MICAL1: variants seen among roughly 807,000 people sequenced by gnomAD.
MICAL1 encodes the protein [F-actin]-monooxygenase MICAL1.
MICAL1 carries 95 observed loss-of-function variants against 131.8 expected under a neutral mutation model. The ratio of observed to expected loss-of-function variants is 0.72; its 90% CI spans 0.61 to 0.86. The LOEUF (loss-of-function observed/expected upper bound fraction) is 0.86, where lower values mean the gene tolerates loss of function less well. MICAL1 is among the 40% of genes least tolerant of loss of function. The pLI, the probability that MICAL1 is intolerant of heterozygous loss-of-function variation, is 0.00. For synonymous variants in MICAL1, 546 were observed against 554.2 expected (o/e 0.99, Z 0.21); for missense variants, 1,292 against 1,380.6 (o/e 0.94, Z 1.02).
chr6:109,448,598 C>T, intron 12 of MICAL1, 134 bp downstream of exon 12: 2 of 1,393,070 alleles, frequency 1.4e-6, no homozygotes, highest in South Asian at 2.6e-5. Context: ...CAAAGCTCTC[C>T]ACTATCTGAA....
chr6:109,456,404 A>G (rs1775748942), upstream of MICAL1, among the ~76,000 whole-genome samples: 1 of 152,120 alleles, frequency 6.6e-6, no homozygotes, highest in African/African-American at 2.4e-5. Context: ...CCTGTGACAG[A>G]GGTCGACCCC....
Position 109,448,411 on chromosome 6 carries a change from G to A in MICAL1, c.1665-18C>T. Reference sequence around the variant, plus strand: ...AGGGTTCCCTGTGGGATGTCAGGGAGAAAAGCCAACTAGAGACAAGAACCT... The same window carrying A: ...AGGGTTCCCTGTGGGATGTCAGGGAAAAAAGCCAACTAGAGACAAGAACCT... On this transcript the variant is annotated intron_variant, in intron 12 of 24. Coordinates refer to ENST00000358807, the MANE Select transcript of MICAL1 (RefSeq NM_022765.4). The A allele has an allele frequency of 1.9e-6, 3 of 1,611,594 alleles. No homozygotes were observed. The highest frequency in any genetic ancestry group is 2.5e-6 in the Non-Finnish European group (3 of 1,179,836).
chr6:109,449,672 T>G lies in MICAL1; in HGVS notation c.1419A>C (p.Ala473=). 1 of 1,581,290 alleles carries G rather than the reference T, an allele frequency of 6.3e-7. No individual in the cohort carries two copies. The highest frequency in any genetic ancestry group is 8.6e-7 in the Non-Finnish European group (1 of 1,163,900). The change falls in exon 10 of 25, where the codon GCA becomes GCC. Residue 473 remains alanine (A), a synonymous_variant. Coordinates refer to ENST00000358807, the MANE Select transcript of MICAL1 (RefSeq NM_022765.4). ...GGGGTCTGACCTGATTGGGGGTCAC[T>G]GCCCGGAGGTTCAGGTTGGGGTAGC... ...ATRYPNLNLR[A]VTPNQVRDLY...
Position 109,445,303 on chromosome 6 carries a change from A to G in MICAL1, c.2788-13T>C. 3 of 1,614,046 alleles carry G rather than the reference A, an allele frequency of 1.9e-6. No homozygotes were observed. The highest frequency in any genetic ancestry group is 2.5e-6 in the Non-Finnish European group (3 of 1,179,984). ...GCCGTTGGATGGTCTGAGGGGTACA[A>G]GACAGAATATCCAGGAGTCTCTAGG... On this transcript the variant is annotated splice_polypyrimidine_tract_variant and intron_variant, in intron 21 of 24. Coordinates refer to ENST00000358807, the MANE Select transcript of MICAL1 (RefSeq NM_022765.4).
At position 109,447,238 on chromosome 6, in the gene MICAL1, A is replaced by AC. The variant is rs1407614563; in HGVS notation, c.2071-10dup. The AC allele has an allele frequency of 4.3e-6, 7 of 1,613,644 alleles. No homozygotes were observed. Among genetic ancestry groups the AC allele is most frequent in the Non-Finnish European group, 5.9e-6 (7 of 1,179,842 alleles). On this transcript the variant is annotated splice_polypyrimidine_tract_variant and intron_variant, in intron 16 of 24. Transcript: ENST00000358807. ...AGGTCCCCAGCACCGGCCTGCGTGG[A>AC]CCCCCAGGACACAGGGTCAGGTGGA...
In MICAL1 at chr6:109,448,350, C is replaced by A; in HGVS notation, c.1708G>T (p.Ala570Ser). The A allele has an allele frequency of 6.2e-7, 1 of 1,613,958 alleles. No individual in the cohort carries two copies. Among genetic ancestry groups the A allele is most frequent in the African/African-American group, 1.3e-5 (1 of 75,034 alleles). ...LQGLGALEAT[A>S]WALKVAENEL... ...TTCTCTGCCACCTTTAGTGCCCAAG[C>A]AGTTGCTTCCAGAGCTCCCAGCCCC... The change falls in exon 13 of 25, where the codon GCT becomes TCT. Residue 570 changes from alanine to serine, a missense_variant. Transcript: ENST00000358807.
chr6:109,451,580 T>A lies in MICAL1; in HGVS notation c.933+20A>T. 31 of 1,613,182 alleles carry A rather than the reference T, an allele frequency of 1.9e-5. 1 individual carries two copies. Among genetic ancestry groups the A allele is most frequent in the Non-Finnish European group, 2.6e-5 (31 of 1,179,780 alleles). ...CCGGGGCTCACCACCCAGCCTCTCCTGGCCAGGACTGGGCCTCACCTGGCG... is the reference window on the plus strand; with the variant it reads ...CCGGGGCTCACCACCCAGCCTCTCCAGGCCAGGACTGGGCCTCACCTGGCG... On this transcript the variant is annotated intron_variant, in intron 7 of 24. Coordinates refer to ENST00000358807, the MANE Select transcript of MICAL1 (RefSeq NM_022765.4).
chr6:109,449,169 G>GT (rs1290499892), intron 11 of MICAL1: 11 of 678,844 alleles, frequency 1.6e-5, no homozygotes, highest in East Asian at 2.7e-5. Context: ...CACTATGGCT[G>GT]TAACGGTGGT....
chr6:109,445,337 G>A, intron 21 of MICAL1, 47 bp from the exon 22 acceptor site: 1 of 1,612,726 alleles, frequency 6.2e-7, no homozygotes, highest in African/African-American at 1.3e-5. Flanking sequence ...GGTTGCTCAA[G>A]AACAGAGCAC....
At position 109,446,371 on chromosome 6, in the gene MICAL1, G is replaced by A. The variant is rs752925051; in HGVS notation, c.2346C>T (p.Leu782=). ...CCTCCTGCGAGGCTGTGGGAGTTGAGAGGCCTGGTGGCATGCTATTCTCAC... is the reference window on the plus strand; with the variant it reads ...CCTCCTGCGAGGCTGTGGGAGTTGAAAGGCCTGGTGGCATGCTATTCTCAC... ...TPSENSMPPG[L]STPTASQEGA... Residue 782 remains leucine (L), a synonymous_variant, in exon 19 of 25, where the codon CTC becomes CTT. Coordinates refer to ENST00000358807, the MANE Select transcript of MICAL1 (RefSeq NM_022765.4). 2.0e-5 allele frequency: 33 copies of A among 1,612,904 alleles called. No homozygotes were observed. The highest frequency in any genetic ancestry group is 2.7e-5 in the Non-Finnish European group (32 of 1,179,882).
chr6:109,449,137 G>T (rs1775392945), intron 11 of MICAL1: 1 of 662,022 alleles, frequency 1.5e-6, no homozygotes, highest in South Asian at 1.8e-5. Context: ...ACTAAACTGG[G>T]GGCAGGGGAG....
rs1317761702 is a variant in MICAL1, at chr6:109,447,954, C to A, written c.1865G>T (p.Ser622Ile). ...ACTGGAGGTCCCTGGGGAGGCCTGG[C>A]TGACAGGGCCTGCGGGGAGAGCCAG... is the stretch of plus-strand genomic sequence containing the variant. The part of the protein sequence containing the change: ...KSMAHSPGPV[S>I]QASPGTSSAV... The change falls in exon 14 of 25, where the codon AGC (serine) becomes ATC (isoleucine). Residue 622 changes from serine to isoleucine, a missense_variant. Transcript: ENST00000358807. 1 of 1,608,282 alleles carries A rather than the reference C, an allele frequency of 6.2e-7. No homozygotes were observed. Among genetic ancestry groups the A allele is most frequent in the East Asian group, 2.2e-5 (1 of 44,872 alleles).
intron 13 of MICAL1, 46 bp downstream of exon 13, chr6:109,448,156 CA>C: frequency 6.3e-7 from 1 of 1,584,910 alleles, no homozygotes; most frequent in South Asian, 1.1e-5. Flanking sequence ...CACACACACA[CA>C]CACCTCCCCA....
chr6:109,444,574 G>A, intron 24 of MICAL1, 151 bp downstream of exon 24: 1 of 1,041,962 alleles, frequency 9.6e-7, no homozygotes, highest in South Asian at 1.4e-5. Flanking sequence ...GAAGTGAGAA[G>A]GGGCTTTGGA....
At chr6:109,446,441 CG>C (rs751665208) in intron 18 of MICAL1, 29 bp from the exon 19 acceptor site, 6 of 754,886 alleles carry the variant, frequency 7.9e-6, no homozygotes, top group Admixed American at 3.1e-5. Flanking sequence ...GGAGTGAGGT[CG>C]GGGGGTGAGG....
rs1775095013 is a variant in MICAL1 at position 109,444,100 on chromosome 6, C to G, written c.*91G>C. 2.6e-6 allele frequency: 4 copies of G among 1,528,450 alleles called. No individual in the cohort carries two copies. The South Asian group carries it at 3.7e-5, about 14-fold the overall frequency. 94.7% of individuals were successfully genotyped at this position (1,528,450 alleles called of 1,614,324 possible). On this transcript the variant is annotated 3_prime_UTR_variant, in exon 25 of 25. Coordinates refer to ENST00000358807, the MANE Select transcript of MICAL1 (RefSeq NM_022765.4). Reference sequence around the variant, plus strand: ...CATTTTAATTGTAAACAGCAAGGCTCTCTGCCAGGCAGCCCAGATGAACAG... The same window carrying G: ...CATTTTAATTGTAAACAGCAAGGCTGTCTGCCAGGCAGCCCAGATGAACAG...
chr6:109,444,594 T>G, intron 24 of MICAL1, 131 bp downstream of exon 24: 1 of 1,196,496 alleles, frequency 8.4e-7, no homozygotes, highest in Non-Finnish European at 1.2e-6. Context: ...AGCCCCCTCC[T>G]CTGGCTTCCT....
chr6:109,463,591 C>T (rs986382628), intron 1 of MICAL1: 2 of 152,038 alleles, frequency 1.3e-5, no homozygotes, highest in African/African-American at 4.8e-5. Flanking sequence ...AAACTTTTGT[C>T]TTAGCTACTT....
In MICAL1 at chr6:109,454,230, A is replaced by G. The variant is rs1355529462; in HGVS notation, c.-34T>C. ...CCTGGGGAGGGCAGCAGCTGGGCAG[A>G]GATGAGTGGCTGGAGAGGTGGAAAA... On this transcript the variant is annotated 5_prime_UTR_variant, in exon 2 of 25. Transcript: ENST00000358807. The G allele has an allele frequency of 1.3e-6, 2 of 1,569,866 alleles. No homozygotes were observed. Among genetic ancestry groups the G allele is most frequent in the Non-Finnish European group, 8.6e-7 (1 of 1,157,400 alleles).
Sources: allele counts gnomAD v4.1 joint callset (sites outside exome capture counted in the v4.1 genomes callset), GRCh38; gene constraint gnomAD v4.1.1; transcripts MANE v1.5; gene names NCBI Gene and HGNC (gene_info 2026-07-23, HGNC 2026-07-21).